FNDC3A: variants seen among roughly 807,000 people sequenced by gnomAD.
The protein encoded by FNDC3A is fibronectin type III domain containing 3A.
FNDC3A carries 32 observed loss-of-function variants against 148.9 expected under a neutral mutation model. That is an observed-to-expected ratio of 0.21 (90% CI 0.16 to 0.29). The LOEUF (loss-of-function observed/expected upper bound fraction) is 0.29, where lower values mean the gene tolerates loss of function less well. Among genes scored for constraint, FNDC3A ranks in the 10% least tolerant of loss-of-function variants. The pLI is 1.00. For missense variants in FNDC3A, 1,191 were observed against 1,452.8 expected (o/e 0.82, Z 2.93); for synonymous variants, 472 against 473.6 (o/e 1.00, Z 0.04).
chr13:49,094,448 A>G (rs1879392123), intron 3 of FNDC3A, among the ~76,000 whole-genome samples: 1 of 152,104 alleles, frequency 6.6e-6, no homozygotes, highest in South Asian at 2.1e-4. Flanking sequence ...AATAATACTG[A>G]TTGTACTATA....
At chr13:49,104,419 G>C (rs1197668063) in intron 3 of FNDC3A, among the ~76,000 whole-genome samples, 1 of 152,180 alleles carries the variant, frequency 6.6e-6, no homozygotes, top group Non-Finnish European at 1.5e-5. Context: ...AGCTACTCGG[G>C]ATGCTGAGGC....
chr13:49,100,291 T>A (rs965845932), intron 3 of FNDC3A, among the ~76,000 whole-genome samples: 6 of 152,136 alleles, frequency 3.9e-5, no homozygotes. Flanking sequence ...AATGATGTAT[T>A]TTTAATGATT....
At chr13:48,995,562 C>T (rs1015387668) in intron 1 of FNDC3A, among the ~76,000 whole-genome samples, 8 of 152,106 alleles carry the variant, frequency 5.3e-5, no homozygotes, top group Admixed American at 4.6e-4. Context: ...CTCACTTTCT[C>T]TACCAATATA....
intron 2 of FNDC3A, among the ~76,000 whole-genome samples, chr13:49,056,064 G>C (rs1395208861): frequency 6.6e-6 from 1 of 151,988 alleles, no homozygotes; most frequent in East Asian, 1.9e-4. Flanking sequence ...GCACGCGCCT[G>C]TAGTCCCAGC....
At chr13:49,024,529 C>T (rs1873559404) in intron 2 of FNDC3A, among the ~76,000 whole-genome samples, 1 of 151,840 alleles carries the variant, frequency 6.6e-6, no homozygotes, top group South Asian at 2.1e-4. Flanking sequence ...AGATAATACA[C>T]CATGATCAAG....
intron 6 of FNDC3A, among the ~76,000 whole-genome samples, 180 bp downstream of exon 6, chr13:49,136,781 G>C (rs1882391037): frequency 6.6e-6 from 1 of 152,092 alleles, no homozygotes; most frequent in Non-Finnish European, 1.5e-5. Flanking sequence ...AAATTTTACT[G>C]ACTGAAATTT....
intron 1 of FNDC3A, among the ~76,000 whole-genome samples, chr13:48,994,429 T>C (rs1593447867): frequency 1.3e-5 from 2 of 152,204 alleles, no homozygotes; most frequent in Non-Finnish European, 2.9e-5. Flanking sequence ...TGTATGGTAA[T>C]GGTTTTGTAA....
In FNDC3A at chr13:49,079,668, A is replaced by T. The variant is rs183299483; in HGVS notation, c.175+4304A>T. On this transcript the variant is annotated intron_variant, in intron 3 of 25. Transcript: ENST00000492622. ...CAAAAGTCTTCCTACTACAAACATC[A>T]TTGGAAATGTTCAATAAAATAATAA... Among the ~76,000 whole-genome samples, 9 of 152,314 alleles carry T rather than the reference A, an allele frequency of 5.9e-5. No homozygotes were observed. The East Asian group carries it at 1.5e-3, about 26-fold the overall frequency.
chr13:49,004,335 A>G (rs1593458806), intron 1 of FNDC3A, among the ~76,000 whole-genome samples: 2 of 152,102 alleles, frequency 1.3e-5, no homozygotes, highest in East Asian at 1.9e-4. Flanking sequence ...AATAAAACCA[A>G]TTACTTTGCG....
chr13:48,999,108 G>A (rs2137582999), intron 1 of FNDC3A, among the ~76,000 whole-genome samples: 1 of 152,304 alleles, frequency 6.6e-6, no homozygotes, highest in East Asian at 1.9e-4. Context: ...TCATGGGAAG[G>A]TCCCTGTGAG....
chr13:49,079,917 T>A (rs1398932099), intron 3 of FNDC3A, among the ~76,000 whole-genome samples: 1 of 151,886 alleles, frequency 6.6e-6, no homozygotes, highest in Non-Finnish European at 1.5e-5. Flanking sequence ...TGGGCTCAGG[T>A]GATCCTCCTG....
chr13:49,013,508 A>C (rs1210156933), intron 2 of FNDC3A, among the ~76,000 whole-genome samples: 1 of 151,846 alleles, frequency 6.6e-6, no homozygotes, highest in East Asian at 1.9e-4. Context: ...ACATGCGTAT[A>C]CATATGTACA....
intron 3 of FNDC3A, among the ~76,000 whole-genome samples, chr13:49,096,655 G>C (rs1208242254): frequency 6.6e-6 from 1 of 152,086 alleles, no homozygotes; most frequent in Non-Finnish European, 1.5e-5. Context: ...GAGAGAATTT[G>C]TTTTAAGTGC....
At chr13:49,096,014 C>G (rs1879503353) in intron 3 of FNDC3A, among the ~76,000 whole-genome samples, 1 of 152,006 alleles carries the variant, frequency 6.6e-6, no homozygotes, top group African/African-American at 2.4e-5. Flanking sequence ...AAATCATTCT[C>G]CTCCAACTTA....
At chr13:49,013,943 C>G (rs1337718360) in intron 2 of FNDC3A, among the ~76,000 whole-genome samples, 1 of 151,618 alleles carries the variant, frequency 6.6e-6, no homozygotes, top group East Asian at 1.9e-4. Flanking sequence ...TTTTTTATAG[C>G]TGCATAGTAT....
At chr13:48,985,804 G>A (rs1951780085) in intron 1 of FNDC3A, among the ~76,000 whole-genome samples, 1 of 152,168 alleles carries the variant, frequency 6.6e-6, no homozygotes, top group Non-Finnish European at 1.5e-5. Flanking sequence ...AGTTGGATTA[G>A]GGATCAGGAA....
At chr13:49,057,220 T>C (rs1876314770) in intron 2 of FNDC3A, among the ~76,000 whole-genome samples, 1 of 152,228 alleles carries the variant, frequency 6.6e-6, no homozygotes, top group Non-Finnish European at 1.5e-5. Flanking sequence ...AAGAGACTTT[T>C]GCCCAGGCTA....
chr13:49,159,115 T>C (rs1283314623), intron 8 of FNDC3A, among the ~76,000 whole-genome samples: 1 of 152,236 alleles, frequency 6.6e-6, no homozygotes, highest in African/African-American at 2.4e-5. Flanking sequence ...TCTTTTTTGG[T>C]TCCATATGAA....
chr13:49,156,079 G>A (rs1883656879), intron 8 of FNDC3A, among the ~76,000 whole-genome samples: 1 of 137,050 alleles, frequency 7.3e-6, no homozygotes, highest in Non-Finnish European at 1.6e-5. Flanking sequence ...TATCCTTGTT[G>A]ACTTTCTGTC....
Sources: gnomAD v4.1 joint callset for allele counts (sites outside exome capture counted in the v4.1 genomes callset) on GRCh38, gnomAD v4.1.1 for gene constraint, MANE v1.5 for transcripts, NCBI Gene and HGNC (gene_info 2026-07-23, HGNC 2026-07-21) for gene names.